Variants in NEURL4 observed in about 807,000 individuals in gnomAD.
NEURL4 encodes the protein neuralized-like protein 4.
NEURL4 carries 45 observed loss-of-function variants against 148.0 expected under a neutral mutation model. The observed-to-expected ratio is 0.30, with a 90% CI of 0.24 to 0.39. NEURL4 has a LOEUF of 0.39. Ranked by LOEUF, NEURL4 falls within the 10% of genes least tolerant of loss-of-function variation. The pLI, the probability that NEURL4 is intolerant of heterozygous loss-of-function variation, is 1.00. For synonymous variants in NEURL4, 854 were observed against 869.0 expected, an observed-to-expected ratio of 0.98 and a Z score of 0.30; for missense variants, 1,776 against 2,144.0, an observed-to-expected ratio of 0.83 and a Z score of 3.39.
chr17:7,317,259 A>G lies in NEURL4; in HGVS notation c.4430T>C (p.Leu1477Pro). 1 of 1,522,814 alleles carries G rather than the reference A, an allele frequency of 6.6e-7. No homozygotes were observed. Among genetic ancestry groups the G allele is most frequent in the East Asian group, 2.3e-5 (1 of 43,768 alleles). The allele number at this position is 1,522,814 out of a possible 1,614,324, so 94.3% of individuals were successfully genotyped here. The change falls in exon 28 of 29, where the codon CTG (leucine) becomes CCG (proline). Residue 1477 changes from leucine (L) to proline (P), a missense_variant. Leu to Pro is a moderately conservative substitution (Grantham distance 98). Coordinates refer to ENST00000399464, the MANE Select transcript of NEURL4 (RefSeq NM_032442.3). ...PPREEQPPPV[L>P]LSPSLQYAGA... ...AGCATATTGAAGGGAGGGGGAAAGC[A>G]GCACAGGAGGGGGCTGCTCCTCCCG...
At position 7,324,161 on chromosome 17, in the gene NEURL4, G is replaced by C. The variant is rs1437550250; in HGVS notation, c.2009C>G (p.Ala670Gly). The C allele has an allele frequency of 6.2e-7, 1 of 1,613,784 alleles. No homozygotes were observed. The highest frequency in any genetic ancestry group is 1.3e-5 in the African/African-American group (1 of 75,066). Reference protein sequence around the residue: ...AAWNVPPGVYAVVDLYGQAAQ... With the variant: ...AAWNVPPGVYGVVDLYGQAAQ... ...CGCCTGGCCATAGAGATCGACGACA[G>C]CATAGACGCCCGGGGGCACGTTCCA... The change falls in exon 11 of 29, where the codon GCT becomes GGT. Residue 670 changes from alanine (A) to glycine (G), a missense_variant. Physicochemically the swap from Ala to Gly is moderately conservative, Grantham distance 60 (BLOSUM62 0). Transcript: ENST00000399464. The surrounding 1 kb of genome is among the most constrained non-coding windows in gnomAD (Gnocchi z 5.9).
Position 7,324,816 on chromosome 17 carries a change from A to T in NEURL4, c.1796T>A (p.Met599Lys), listed in dbSNP as rs2143013051. 6.2e-7 allele frequency: 1 copy of T among 1,614,170 alleles called. No individual in the cohort carries two copies. Among genetic ancestry groups the T allele is most frequent in the East Asian group, 2.2e-5 (1 of 44,880 alleles). ...NPAYLQLPST[M>K]TNLRSGTWMM... ...GAGCTCACCAGAGCGCAAGTTGGTCATGGTGGAGGGCAACTGGAGGTAGGC... is the reference window on the plus strand; with the variant it reads ...GAGCTCACCAGAGCGCAAGTTGGTCTTGGTGGAGGGCAACTGGAGGTAGGC... The change falls in exon 9 of 29, where the codon ATG becomes AAG. Residue 599 changes from methionine to lysine, a missense_variant. Met to Lys is a moderately conservative substitution (Grantham distance 95, BLOSUM62 -1). Transcript: ENST00000399464. The surrounding 1 kb of genome is among the most constrained non-coding windows in gnomAD (Gnocchi z 5.9).
At chr17:7,317,743 A>AG (rs1459472432) in intron 26 of NEURL4, 45 bp downstream of exon 26, 2 of 1,605,096 alleles carry the variant, frequency 1.2e-6, no homozygotes, top group Non-Finnish European at 8.5e-7. Flanking sequence ...CCGTTTCTCC[A>AG]GGGGGAAAAC....
Position 7,329,203 on chromosome 17 carries a change from C to A in NEURL4, c.110G>T (p.Gly37Val), listed in dbSNP as rs570547511. ...GTGCAGTTCCCCGCCGCTGCCCAGACCCCCGTTGGACCCCGGTCCTGAGCC... is the reference window on the plus strand; with the variant it reads ...GTGCAGTTCCCCGCCGCTGCCCAGAACCCCGTTGGACCCCGGTCCTGAGCC... Reference protein sequence around the residue: ...GSGSGPGSNGGLGSGGELHPR... With the variant: ...GSGSGPGSNGVLGSGGELHPR... Residue 37 changes from glycine to valine, a missense_variant, in exon 1 of 29, where the codon GGT (glycine) becomes GTT (valine). Transcript: ENST00000399464. 5 of 1,571,190 alleles carry A rather than the reference C, an allele frequency of 3.2e-6. No individual in the cohort carries two copies. Among genetic ancestry groups the A allele is most frequent in the African/African-American group, 2.7e-5 (2 of 74,042 alleles).
At position 7,323,981 on chromosome 17, in the gene NEURL4, C is replaced by G; in HGVS notation, c.2094G>C (p.Glu698Asp). 1.2e-6 allele frequency: 2 copies of G among 1,611,364 alleles called. No individual in the cohort carries two copies. Among genetic ancestry groups the G allele is most frequent in the African/African-American group, 2.7e-5 (2 of 75,058 alleles). ...AGCTTGGAGACACCTGGTTGTTCCCCTCAGGGAGTGGTTCAGGAACTGGAG... is the reference window on the plus strand; with the variant it reads ...AGCTTGGAGACACCTGGTTGTTCCCGTCAGGGAGTGGTTCAGGAACTGGAG... ...EVAPVPEPLP[E>D]GNNQVSPSSP... Residue 698 changes from glutamate to aspartate, a missense_variant, in exon 12 of 29, where the codon GAG (glutamate) becomes GAC (aspartate). By Grantham distance (45) the Glu-to-Asp change is conservative (BLOSUM62 2). Coordinates refer to ENST00000399464, the MANE Select transcript of NEURL4 (RefSeq NM_032442.3).
At position 7,317,932 on chromosome 17, in the gene NEURL4, T is replaced by C; in HGVS notation, c.4061A>G (p.Glu1354Gly). 1.9e-6 allele frequency: 3 copies of C among 1,614,184 alleles called. No homozygotes were observed. The highest frequency in any genetic ancestry group is 1.7e-6 in the Non-Finnish European group (2 of 1,180,026). Residue 1354 changes from glutamate (E) to glycine (G), a missense_variant and splice_region_variant, in exon 26 of 29, where the codon GAA becomes GGA. Physicochemically the swap from Glu to Gly is moderately conservative, Grantham distance 98. Transcript: ENST00000399464. ...CTTTGGCGGAGGCATGAAATAATCT[T>C]CTGCGGGACAGTGAGTAGCAGGCTT... ...SRFQELLLLP[E>G]DYFMPPPKRS...
At chr17:7,325,144 T>TGGGGGGGGGGGGGGGC in intron 8 of NEURL4, 65 bp downstream of exon 8, 2 of 956,482 alleles carry the variant, frequency 2.1e-6, no homozygotes. Flanking sequence ...TCCACTTCCT[T>TGGGGGGGGGGGGGGGC]GCCCCGCCCC....
chr17:7,321,135 C>G lies in NEURL4; in HGVS notation c.3337G>C (p.Glu1113Gln). 6.2e-7 allele frequency: 1 copy of G among 1,613,828 alleles called. No homozygotes were observed. Among genetic ancestry groups the G allele is most frequent in the South Asian group, 1.1e-5 (1 of 91,078 alleles). The change falls in exon 20 of 29, where the codon GAG becomes CAG. Residue 1113 changes from glutamate (E) to glutamine (Q), a missense_variant. Coordinates refer to ENST00000399464, the MANE Select transcript of NEURL4 (RefSeq NM_032442.3). This position sits in a 1 kb window ranked among gnomAD's most constrained non-coding sequence, Gnocchi z 6.3. ...ACTCCCAGGCCATGCTCCTCGCCCT[C>G]GTCATCCTCCTCGCCCTCACTGCCG... ...DTGSEGEEDDEGEEHGLGGQN... is the reference protein window; with the variant it reads ...DTGSEGEEDDQGEEHGLGGQN...
Position 7,324,034 on chromosome 17 carries a change from A to C in NEURL4, c.2063-22T>G. On this transcript the variant is annotated intron_variant, in intron 11 of 28. Coordinates refer to ENST00000399464, the MANE Select transcript of NEURL4 (RefSeq NM_032442.3). The surrounding 1 kb of genome is among the most constrained non-coding windows in gnomAD (Gnocchi z 5.9). Reference sequence around the variant, plus strand: ...ACCTCTGTAAAAGTGGACATCACCCATCAGGTCTCTAGGTGTCTCTCAGAC... The same window carrying C: ...ACCTCTGTAAAAGTGGACATCACCCCTCAGGTCTCTAGGTGTCTCTCAGAC... 6.2e-7 allele frequency: 1 copy of C among 1,608,902 alleles called. No homozygotes were observed. The highest frequency in any genetic ancestry group is 1.1e-5 in the South Asian group (1 of 91,078).
chr17:7,328,628 C>T (rs994630724), intron 1 of NEURL4, among the ~76,000 whole-genome samples: 2 of 152,110 alleles, frequency 1.3e-5, no homozygotes, highest in African/African-American at 2.4e-5. Flanking sequence ...GGTCTCAAAC[C>T]CCTGACTCTA....
chr17:7,317,098 A>G (rs529424161), intron 28 of NEURL4, 107 bp downstream of exon 28: 14 of 715,082 alleles, frequency 2.0e-5, no homozygotes, highest in Middle Eastern at 8.5e-4. Context: ...AGCTAGCAAG[A>G]CGAGATGAGA....
In NEURL4 at chr17:7,323,975, G is replaced by A; in HGVS notation, c.2100C>T (p.Asn700=). The A allele has an allele frequency of 6.2e-7, 1 of 1,611,732 alleles. No homozygotes were observed. Among genetic ancestry groups the A allele is most frequent in the Non-Finnish European group, 8.5e-7 (1 of 1,180,020 alleles). ...APVPEPLPEG[N]NQVSPSSPSS... ...ACGGAGAGCTTGGAGACACCTGGTT[G>A]TTCCCCTCAGGGAGTGGTTCAGGAA... Residue 700 remains asparagine, a synonymous_variant, in exon 12 of 29, where the codon AAC becomes AAT. Coordinates refer to ENST00000399464, the MANE Select transcript of NEURL4 (RefSeq NM_032442.3).
In NEURL4 at chr17:7,315,837, G is replaced by T; in HGVS notation, c.*286C>A. ...AATAAATTAAGTGATGTGGGGTAGGGGAGTAAAAGGGAGTCATGTTCCCCA... is the reference window on the plus strand; with the variant it reads ...AATAAATTAAGTGATGTGGGGTAGGTGAGTAAAAGGGAGTCATGTTCCCCA... On this transcript the variant is annotated 3_prime_UTR_variant, in exon 29 of 29. Transcript: ENST00000399464. 1.9e-6 allele frequency: 1 copy of T among 539,852 alleles called. No homozygotes were observed. The highest frequency in any genetic ancestry group is 2.6e-5 in the South Asian group (1 of 38,514). 33.4% of individuals were successfully genotyped at this position (539,852 alleles called of 1,614,324 possible).
At chr17:7,325,162 C>CCCCCAAA in intron 8 of NEURL4, 47 bp downstream of exon 8, 1 of 748,832 alleles carries the variant, frequency 1.3e-6, no homozygotes, top group Non-Finnish European at 2.1e-6. Flanking sequence ...CCCCCCCCCC[C>CCCCCAAA]CATTAGAATC....
intron 1 of NEURL4, 125 bp downstream of exon 1, chr17:7,328,906 T>C (rs1049881628): frequency 1.1e-6 from 1 of 882,850 alleles, no homozygotes; most frequent in African/African-American, 1.8e-5. Flanking sequence ...CCCCTGGTGC[T>C]CTATGGTCTT....
chr17:7,318,412 C>T lies in NEURL4; in HGVS notation c.3865-56G>A. ...TGGTCAGACCCCAGGGCCTGCTGATCCCTCCCTGGAACAGAGATTTCCCCT... is the reference window on the plus strand; with the variant it reads ...TGGTCAGACCCCAGGGCCTGCTGATTCCTCCCTGGAACAGAGATTTCCCCT... On this transcript the variant is annotated intron_variant, in intron 23 of 28. Coordinates refer to ENST00000399464, the MANE Select transcript of NEURL4 (RefSeq NM_032442.3). The surrounding 1 kb of genome is among the most constrained non-coding windows in gnomAD (Gnocchi z 4.3). The T allele has an allele frequency of 2.5e-6, 4 of 1,611,164 alleles. No homozygotes were observed. Among genetic ancestry groups the T allele is most frequent in the Middle Eastern group, 3.3e-4 (2 of 6,050 alleles).
intron 7 of NEURL4, 48 bp downstream of exon 7, chr17:7,325,593 G>A: frequency 6.3e-7 from 1 of 1,595,258 alleles, no homozygotes. Flanking sequence ...CCCAGTCCCA[G>A]CCCCACCGAA....
rs764402997 is a variant in NEURL4 at position 7,318,462 on chromosome 17, G to A, written c.3864+33C>T. On this transcript the variant is annotated intron_variant, in intron 23 of 28. Coordinates refer to ENST00000399464, the MANE Select transcript of NEURL4 (RefSeq NM_032442.3). This position sits in a 1 kb window ranked among gnomAD's most constrained non-coding sequence, Gnocchi z 4.3. The stretch of plus-strand genomic sequence containing the variant: ...TGTCCTGGACAGCGCAGACTCTCAG[G>A]CACCCCTCCTCCCTGCCCCCACTGC... 1 of 1,602,062 alleles carries A rather than the reference G, an allele frequency of 6.2e-7. No homozygotes were observed. The highest frequency in any genetic ancestry group is 1.1e-5 in the South Asian group (1 of 89,564).
chr17:7,329,300 A>T lies in NEURL4; in HGVS notation c.13T>A (p.Ser5Thr). 7.9e-7 allele frequency: 1 copy of T among 1,273,448 alleles called. No individual in the cohort carries two copies. The highest frequency in any genetic ancestry group is 9.9e-7 in the Non-Finnish European group (1 of 1,007,174). The allele number at this position is 1,273,448 out of a possible 1,614,324, so 78.9% of individuals were successfully genotyped here. A position where few individuals can be genotyped will look rare whatever the true frequency, so the allele number is the denominator to read the frequency against. The change falls in exon 1 of 29, where the codon TCG (serine) becomes ACG (threonine). Residue 5 changes from serine to threonine, a missense_variant. By Grantham distance (58) the Ser-to-Thr change is moderately conservative. Coordinates refer to ENST00000399464, the MANE Select transcript of NEURL4 (RefSeq NM_032442.3). ...CCCCCAGAGCCCCCACTCCCACCCGACCCTGCCGCCATCTCCGCTGACACC... is the reference window on the plus strand; with the variant it reads ...CCCCCAGAGCCCCCACTCCCACCCGTCCCTGCCGCCATCTCCGCTGACACC... Reference protein sequence around the residue: MAAGSGGSGGSGGGP... With the variant: MAAGTGGSGGSGGGP...
Sources: gnomAD v4.1 joint callset for allele counts (sites outside exome capture counted in the v4.1 genomes callset) on GRCh38, gnomAD v4.1.1 for gene constraint, Gnocchi (gnomAD v3.1) non-coding constraint, MANE v1.5 for transcripts, NCBI Gene and HGNC (gene_info 2026-07-23, HGNC 2026-07-21) for gene names.